The following PRXL2C variants were observed in gnomAD, a reference collection of about 807,000 sequenced individuals.
The protein encoded by PRXL2C is peroxiredoxin-like 2C.
In PRXL2C, 38 loss-of-function variants were observed where a neutral mutation model predicts 24.9. The ratio of observed to expected loss-of-function variants is 1.53; its 90% CI spans 1.18 to 2.00. The LOEUF is 2.00. PRXL2C is among the 30% of genes most tolerant of loss of function. The pLI is 0.00. For synonymous variants in PRXL2C, 98 were observed against 117.2 expected, an observed-to-expected ratio of 0.84 and a Z score of 1.06; for missense variants, 294 against 290.9, an observed-to-expected ratio of 1.01 and a Z score of -0.08.
chr9:96,654,911 G>A, intron 1 of PRXL2C, 138 bp from the exon 2 acceptor site: 1 of 1,189,012 alleles, frequency 8.4e-7, no homozygotes, highest in South Asian at 1.8e-5. Context: ...GGCGCCCGGC[G>A]CGTGGGAAGC....
At chr9:96,654,806 G>A (rs1251940143) in intron 1 of PRXL2C, 33 bp from the exon 2 acceptor site, 3 of 1,541,712 alleles carry the variant, frequency 1.9e-6, no homozygotes, top group Non-Finnish European at 1.8e-6. Flanking sequence ...GGGCAAGTTA[G>A]TAAAGCAGCA....
chr9:96,654,632 GCCGCGT>G, intron 2 of PRXL2C, 67 bp downstream of exon 2: 6 of 1,419,928 alleles, frequency 4.2e-6, no homozygotes, highest in Non-Finnish European at 5.8e-6. Flanking sequence ...CCGCGCTGGA[GCCGCGT>G]CCTCCCCCGC....
At chr9:96,649,760 C>T (rs998289184) in intron 4 of PRXL2C, among the ~76,000 whole-genome samples, 1 of 151,968 alleles carries the variant, frequency 6.6e-6, no homozygotes, top group African/African-American at 2.4e-5. Flanking sequence ...ATCCCTGCTC[C>T]ACATGGGTTA....
intron 1 of PRXL2C, 127 bp from the exon 2 acceptor site, chr9:96,654,900 G>T: frequency 8.2e-7 from 1 of 1,215,428 alleles, no homozygotes; most frequent in Non-Finnish European, 1.1e-6. Context: ...CCGGCGGCTC[G>T]GGCGCCCGGC....
At position 96,639,656 on chromosome 9, in the gene PRXL2C, GTTT is replaced by G. The variant is rs200451808; in HGVS notation, c.*2100_*2102del. On this transcript the variant is annotated 3_prime_UTR_variant, in exon 6 of 6. Coordinates refer to ENST00000375234, the MANE Select transcript of PRXL2C (RefSeq NM_153698.2). ...TATATTCAAATATTTGAATACATTA[GTTT>G]TTTTTGTAACTTTATATGCTTCATA... The G allele has an allele frequency of 6.6e-6, 1 of 151,842 alleles. No homozygotes were observed. The allele number at this position is 151,842 out of a possible 1,614,324, so 9.4% of individuals were successfully genotyped here.
At chr9:96,647,681 C>A (rs1848214391) in intron 4 of PRXL2C, among the ~76,000 whole-genome samples, 1 of 152,078 alleles carries the variant, frequency 6.6e-6, no homozygotes, top group Non-Finnish European at 1.5e-5. Context: ...TGCCACCAAT[C>A]CTGGCTAATT....
intron 2 of PRXL2C, among the ~76,000 whole-genome samples, chr9:96,654,371 T>G (rs754240731): frequency 3.3e-5 from 5 of 152,216 alleles, no homozygotes; most frequent in Admixed American, 6.5e-5. Context: ...TTTCCCATAA[T>G]GAGCAGCTAT....
intron 1 of PRXL2C, 134 bp downstream of exon 1, chr9:96,654,956 A>G: frequency 8.2e-7 from 1 of 1,216,230 alleles, no homozygotes; most frequent in Admixed American, 4.0e-5. Context: ...GCCCCGCCCT[A>G]GTTGGGAAGC....
rs879178846 is a variant in PRXL2C at position 96,645,968 on chromosome 9, G to A, written c.478C>T (p.Arg160Trp). Reference sequence around the variant, plus strand: ...TCAAAGAGAGGGCCAGTCACTGCCCGCCACAGGCTCTGAAGGCTTCCTGAG... The same window carrying A: ...TCAAAGAGAGGGCCAGTCACTGCCCACCACAGGCTCTGAAGGCTTCCTGAG... ...LLSGSLQSLWRAVTGPLFDFQ... is the reference protein window; with the variant it reads ...LLSGSLQSLWWAVTGPLFDFQ... The change falls in exon 5 of 6, where the codon CGG (arginine) becomes TGG (tryptophan). Residue 160 changes from arginine (R) to tryptophan (W), a missense_variant. Physicochemically the swap from Arg to Trp is moderately radical, Grantham distance 101. Transcript: ENST00000375234. 10 of 1,613,596 alleles carry A rather than the reference G, an allele frequency of 6.2e-6. No homozygotes were observed. In the African/African-American group the frequency reaches 6.7e-5, roughly 11 times the overall value.
chr9:96,647,311 A>G (rs1342580942), intron 4 of PRXL2C, among the ~76,000 whole-genome samples: 1 of 152,114 alleles, frequency 6.6e-6, no homozygotes, highest in African/African-American at 2.4e-5. Flanking sequence ...TTTTTCTCCT[A>G]TCCTTGCCAT....
chr9:96,645,983 G>A lies in PRXL2C; in HGVS notation c.463C>T (p.Leu155Phe). 1.9e-6 allele frequency: 3 copies of A among 1,613,552 alleles called. No homozygotes were observed. Among genetic ancestry groups the A allele is most frequent in the Non-Finnish European group, 2.5e-6 (3 of 1,179,884 alleles). ...GTCACTGCCCGCCACAGGCTCTGAA[G>A]GCTTCCTGAGAGTAGATTTGATTTT... The part of the protein sequence containing the change: ...HIKSNLLSGS[L>F]QSLWRAVTGP... The change falls in exon 5 of 6, where the codon CTT becomes TTT. Residue 155 changes from leucine to phenylalanine, a missense_variant. Leu to Phe is a conservative substitution (Grantham distance 22, BLOSUM62 0). Transcript: ENST00000375234.
chr9:96,651,838 A>G (rs1440420390), intron 2 of PRXL2C, 126 bp from the exon 3 acceptor site: 2 of 690,996 alleles, frequency 2.9e-6, no homozygotes, highest in African/African-American at 1.8e-5. Flanking sequence ...AATGGAATAC[A>G]CAGCAAAATT....
rs1054695715 is a variant in PRXL2C, at chr9:96,640,348, G to C, written c.*1411C>G. The C allele has an allele frequency of 2.0e-5, 3 of 150,648 alleles. No homozygotes were observed. Among genetic ancestry groups the C allele is most frequent in the Admixed American group, 6.6e-5 (1 of 15,040 alleles). The allele number at this position is 150,648 out of a possible 1,614,324, so 9.3% of individuals were successfully genotyped here. A position where few individuals can be genotyped will look rare whatever the true frequency, so the allele number is the denominator to read the frequency against. On this transcript the variant is annotated 3_prime_UTR_variant, in exon 6 of 6. Coordinates refer to ENST00000375234, the MANE Select transcript of PRXL2C (RefSeq NM_153698.2). ...GTTCGAGACCAGCCTGGCCAACATGGTGGAACCCCGTCTCTACTAAAAGTA... is the reference window on the plus strand; with the variant it reads ...GTTCGAGACCAGCCTGGCCAACATGCTGGAACCCCGTCTCTACTAAAAGTA...
At chr9:96,644,258 T>C (rs1350775498) in intron 5 of PRXL2C, among the ~76,000 whole-genome samples, 5 of 152,156 alleles carry the variant, frequency 3.3e-5, no homozygotes, top group Non-Finnish European at 5.9e-5. Context: ...TACAACATAG[T>C]GATTTAGGCT....
intron 5 of PRXL2C, among the ~76,000 whole-genome samples, chr9:96,642,861 G>A (rs896288242): frequency 6.6e-6 from 1 of 151,984 alleles, no homozygotes; most frequent in Non-Finnish European, 1.5e-5. Context: ...TGTTTTCTAA[G>A]CACAGCTGGT....
intron 1 of PRXL2C, 97 bp downstream of exon 1, chr9:96,654,993 C>G (rs1158263014): frequency 8.2e-6 from 11 of 1,348,114 alleles, no homozygotes; most frequent in Admixed American, 3.5e-5. Flanking sequence ...GCTGCCTTCC[C>G]GTTTCCGTCC....
rs1241699675 is a variant in PRXL2C, at chr9:96,654,722, G to A, written c.244C>T (p.Pro82Ser). 2 of 1,565,620 alleles carry A rather than the reference G, an allele frequency of 1.3e-6. No homozygotes were observed. The highest frequency in any genetic ancestry group is 2.4e-5 in the South Asian group (2 of 84,968). Residue 82 changes from proline to serine, a missense_variant, in exon 2 of 6, where the codon CCC becomes TCC. By Grantham distance (74) the Pro-to-Ser change is moderately conservative. Transcript: ENST00000375234. ...AAACTCACTTGTAAGAAACTCCTGGGGATTTTGGCCAGATCCTCTACGTAT... is the reference window on the plus strand; with the variant it reads ...AAACTCACTTGTAAGAAACTCCTGGAGATTTTGGCCAGATCCTCTACGTAT... ...KEYVEDLAKI[P>S]RSFLQEANVT...
intron 2 of PRXL2C, 139 bp downstream of exon 2, chr9:96,654,566 T>G: frequency 1.4e-6 from 1 of 719,636 alleles, no homozygotes; most frequent in Non-Finnish European, 2.3e-6. Flanking sequence ...TCTCACTCCT[T>G]TTGGAGGGGC....
chr9:96,645,131 G>T (rs930601246), intron 5 of PRXL2C, among the ~76,000 whole-genome samples: 2 of 151,000 alleles, frequency 1.3e-5, no homozygotes, highest in Non-Finnish European at 3.0e-5. Flanking sequence ...GGATGGTCTT[G>T]ATCTCCTGAC....
Sources: gnomAD v4.1 joint callset for allele counts (sites outside exome capture counted in the v4.1 genomes callset) on GRCh38, gnomAD v4.1.1 for gene constraint, MANE v1.5 for transcripts, NCBI Gene and HGNC (gene_info 2026-07-23, HGNC 2026-07-21) for gene names.